CLSTN2: variants seen among roughly 807,000 people sequenced by gnomAD.
The protein encoded by CLSTN2 is calsyntenin 2.
CLSTN2 carries 48 observed loss-of-function variants against 101.2 expected under a neutral mutation model. The ratio of observed to expected loss-of-function variants is 0.47; its 90% confidence interval spans 0.38 to 0.60. The LOEUF (loss-of-function observed/expected upper bound fraction) is 0.60. CLSTN2 is among the 20% of genes least tolerant of loss of function. The probability of loss-of-function intolerance (pLI) is 0.00; values close to 1 mark genes in which losing one functional copy is unlikely to be tolerated. For synonymous variants in CLSTN2, 481 were observed against 463.6 expected (o/e 1.04, Z -0.48); for missense variants, 1,160 against 1,238.2 (o/e 0.94, Z 0.95).
At chr3:140,381,387 T>C (rs1400163180) in intron 2 of CLSTN2, among the ~76,000 whole-genome samples, 2 of 152,154 alleles carry the variant, frequency 1.3e-5, no homozygotes, top group Non-Finnish European at 2.9e-5. Context: ...GGGGGACACA[T>C]AATACACCCA....
At chr3:140,393,527 A>C (rs1296030902) in intron 2 of CLSTN2, among the ~76,000 whole-genome samples, 2 of 152,198 alleles carry the variant, frequency 1.3e-5, no homozygotes, top group African/African-American at 4.8e-5. Flanking sequence ...ATTCCTCCTT[A>C]CAGGAGGTGG....
chr3:140,261,057 T>G (rs1210171481), intron 2 of CLSTN2, among the ~76,000 whole-genome samples: 1 of 152,130 alleles, frequency 6.6e-6, no homozygotes, highest in Non-Finnish European at 1.5e-5. Context: ...GCTCAGGAAG[T>G]GTTTGTTAGG....
At chr3:140,162,796 G>A (rs1043404857) in intron 1 of CLSTN2, among the ~76,000 whole-genome samples, 3 of 152,164 alleles carry the variant, frequency 2.0e-5, no homozygotes, top group African/African-American at 7.2e-5. Context: ...ATTTTGCAGT[G>A]AATATACTGT....
chr3:140,445,618 T>G (rs375220778), intron 5 of CLSTN2, among the ~76,000 whole-genome samples: 17 of 152,162 alleles, frequency 1.1e-4, no homozygotes, highest in East Asian at 3.9e-4. Flanking sequence ...GATGATTCTA[T>G]ATAGAGAAGG....
intron 2 of CLSTN2, among the ~76,000 whole-genome samples, chr3:140,251,054 C>T (rs1308043197): frequency 6.6e-6 from 1 of 152,074 alleles, no homozygotes; most frequent in African/African-American, 2.4e-5. Flanking sequence ...ATATGTTGGC[C>T]GCCCACATGT....
intron 8 of CLSTN2, among the ~76,000 whole-genome samples, chr3:140,513,473 G>A (rs1934853831): frequency 6.6e-6 from 1 of 151,990 alleles, no homozygotes. Context: ...TTATCATGGT[G>A]GATAAGCTTT....
At chr3:140,147,478 T>G (rs2009797567) in intron 1 of CLSTN2, among the ~76,000 whole-genome samples, 1 of 152,212 alleles carries the variant, frequency 6.6e-6, no homozygotes, top group Admixed American at 6.5e-5. Flanking sequence ...ATGACAGGGT[T>G]TCCTGCAACA....
intron 1 of CLSTN2, among the ~76,000 whole-genome samples, chr3:140,122,369 G>T (rs1463657768): frequency 3.3e-5 from 5 of 152,174 alleles, no homozygotes; most frequent in African/African-American, 4.8e-5. Flanking sequence ...ATAGATGTGA[G>T]GAGAAGAACA....
chr3:140,380,256 A>C (rs186130277), intron 2 of CLSTN2, among the ~76,000 whole-genome samples: 176 of 152,284 alleles, frequency 1.2e-3, no homozygotes, highest in African/African-American at 3.5e-3. Flanking sequence ...AGGAGACCCC[A>C]TCATAATCAA....
intron 2 of CLSTN2, among the ~76,000 whole-genome samples, chr3:140,337,901 C>T (rs2087458487): frequency 6.6e-6 from 1 of 152,142 alleles, no homozygotes; most frequent in Admixed American, 6.5e-5. Context: ...CTTATAACTT[C>T]CACATGGGGC....
chr3:140,085,407 A>G (rs1006083626), intron 1 of CLSTN2, among the ~76,000 whole-genome samples: 8 of 152,192 alleles, frequency 5.3e-5, no homozygotes, highest in African/African-American at 1.9e-4. Context: ...GGGCTGTGGT[A>G]TAAGCTGGTA....
chr3:140,282,049 A>G (rs760709376), intron 2 of CLSTN2, among the ~76,000 whole-genome samples: 5 of 152,178 alleles, frequency 3.3e-5, no homozygotes, highest in South Asian at 2.1e-4. Context: ...TTGTGTGTGT[A>G]TAGGGTAGAT....
chr3:140,152,916 C>T (rs1055749810), intron 1 of CLSTN2, among the ~76,000 whole-genome samples: 14 of 152,232 alleles, frequency 9.2e-5, no homozygotes, highest in African/African-American at 3.4e-4. Flanking sequence ...TGAGGACAGG[C>T]CCTGGAGCCA....
At chr3:140,267,614 G>T (rs962485440) in intron 2 of CLSTN2, among the ~76,000 whole-genome samples, 4 of 152,150 alleles carry the variant, frequency 2.6e-5, no homozygotes, top group African/African-American at 9.7e-5. Flanking sequence ...TCAGAGACCG[G>T]GCTGTTTAAA....
chr3:140,338,139 A>G (rs925587072), intron 2 of CLSTN2, among the ~76,000 whole-genome samples: 2 of 152,140 alleles, frequency 1.3e-5, no homozygotes, highest in Non-Finnish European at 2.9e-5. Flanking sequence ...GCAGAAGGTC[A>G]TTGACCTTTG....
At chr3:140,019,298 A>G (rs946449038) in intron 1 of CLSTN2, among the ~76,000 whole-genome samples, 2 of 152,210 alleles carry the variant, frequency 1.3e-5, no homozygotes, top group African/African-American at 4.8e-5. Flanking sequence ...AGTAAAGCAG[A>G]TTACCTTTCA....
intron 2 of CLSTN2, among the ~76,000 whole-genome samples, chr3:140,226,087 A>G (rs1203475987): frequency 6.6e-6 from 1 of 152,204 alleles, no homozygotes; most frequent in African/African-American, 2.4e-5. Context: ...GTGAATCCCT[A>G]GAGAATTACA....
chr3:140,561,883 T>C lies in CLSTN2; in HGVS notation c.2042-255T>C, dbSNP rs977814059. On this transcript the variant is annotated intron_variant, in intron 12 of 16. Transcript: ENST00000458420. ...CTATGCAGCTTCTCAGTGGCAGAGC[T>C]GGTATTCAAATCACACCTTTTGGCT... Among the ~76,000 whole-genome samples the C allele has an allele frequency of 2.0e-5, 3 of 152,338 alleles. No individual in the cohort carries two copies. In the East Asian group the frequency reaches 5.8e-4, roughly 29 times the overall value.
intron 1 of CLSTN2, among the ~76,000 whole-genome samples, chr3:140,032,630 C>A (rs2007577560): frequency 6.6e-6 from 1 of 152,132 alleles, no homozygotes; most frequent in African/African-American, 2.4e-5. Flanking sequence ...TACCACCATG[C>A]CCAGCCACAA....
Sources: allele counts gnomAD v4.1 joint callset (sites outside exome capture counted in the v4.1 genomes callset), GRCh38; gene constraint gnomAD v4.1.1; transcripts MANE v1.5; gene names NCBI Gene and HGNC (gene_info 2026-07-23, HGNC 2026-07-21).